The following EARS2 variants were observed in gnomAD, a reference collection of about 807,000 sequenced individuals.
EARS2 encodes glutamyl-tRNA synthetase 2, mitochondrial, also known as nondiscriminating glutamyl-tRNA synthetase EARS2, mitochondrial.
A neutral mutation model predicts 54.1 loss-of-function variants in EARS2; 50 were observed. That is an observed-to-expected ratio of 0.92 (90% CI 0.74 to 1.17). EARS2 has a LOEUF of 1.17. Ranked by LOEUF, EARS2 falls within the 50% of genes most tolerant of loss-of-function variation. The probability of loss-of-function intolerance (pLI) is 0.00; values close to 1 mark genes in which losing one functional copy is unlikely to be tolerated. For missense variants in EARS2, 673 were observed against 675.0 expected (o/e 1.00, Z 0.03); for synonymous variants, 298 against 281.0 (o/e 1.06, Z -0.61).
Position 23,534,878 on chromosome 16 carries a change from G to C in EARS2, c.958+10C>G, listed in dbSNP as rs1463047159. On this transcript the variant is annotated intron_variant, in intron 4 of 8. Transcript: ENST00000449606. Reference sequence around the variant, plus strand: ...TCTCTGCTGCCAGGACTATTCAGGTGGGCACGTACCTGCAAAACCTGAGCC... The same window carrying C: ...TCTCTGCTGCCAGGACTATTCAGGTCGGCACGTACCTGCAAAACCTGAGCC... 1.9e-6 allele frequency: 3 copies of C among 1,558,040 alleles called. No homozygotes were observed. The highest frequency in any genetic ancestry group is 2.6e-6 in the Non-Finnish European group (3 of 1,148,078).
At chr16:23,542,031 G>T (rs1965521177) in intron 3 of EARS2, among the ~76,000 whole-genome samples, 1 of 151,988 alleles carries the variant, frequency 6.6e-6, no homozygotes. Context: ...GCTAATTTTT[G>T]TATTTTTGTA....
Position 23,543,022 on chromosome 16 carries a change from C to T in EARS2, c.485+1492G>A, listed in dbSNP as rs918599044. Among the ~76,000 whole-genome samples, 6 of 145,914 alleles carry T rather than the reference C, an allele frequency of 4.1e-5. No individual in the cohort carries two copies. In the South Asian group the frequency reaches 1.1e-3, roughly 26 times the overall value. Reference sequence around the variant, plus strand: ...CCCAGCTACACAGGAGGCTGAGGCACGAGAATCCCTTGAACCCGGGAGGTG... The same window carrying T: ...CCCAGCTACACAGGAGGCTGAGGCATGAGAATCCCTTGAACCCGGGAGGTG... On this transcript the variant is annotated intron_variant, in intron 3 of 8. Transcript: ENST00000449606.
chr16:23,529,655 A>G, intron 6 of EARS2, 23 bp from the exon 7 acceptor site: 2 of 1,613,884 alleles, frequency 1.2e-6, no homozygotes, highest in Non-Finnish European at 1.7e-6. Flanking sequence ...GCAGTCATTG[A>G]ATGCACTAGG....
chr16:23,538,087 C>A (rs1306525008), intron 3 of EARS2, among the ~76,000 whole-genome samples: 1 of 66,288 alleles, frequency 1.5e-5, no homozygotes, highest in African/African-American at 4.1e-5. Context: ...CTAGCTGGAA[C>A]AGATATTCTA....
At chr16:23,555,933 C>T (rs1317819368) in intron 1 of EARS2, among the ~76,000 whole-genome samples, 1 of 152,208 alleles carries the variant, frequency 6.6e-6, no homozygotes, top group Non-Finnish European at 1.5e-5. Flanking sequence ...TTTACCTCTG[C>T]TAACCCAAAT....
At chr16:23,528,282 G>T (rs963972440) in intron 7 of EARS2, among the ~76,000 whole-genome samples, 1 of 152,182 alleles carries the variant, frequency 6.6e-6, no homozygotes, top group Non-Finnish European at 1.5e-5. Context: ...CAAAAATCAG[G>T]AGATGAAATA....
At chr16:23,551,089 A>G (rs898844939) in intron 2 of EARS2, among the ~76,000 whole-genome samples, 1 of 152,248 alleles carries the variant, frequency 6.6e-6, no homozygotes, top group Non-Finnish European at 1.5e-5. Flanking sequence ...ATGGTTAAGT[A>G]TTCATCCAGA....
chr16:23,537,952 C>G (rs1355268706), intron 3 of EARS2, among the ~76,000 whole-genome samples: 1 of 151,904 alleles, frequency 6.6e-6, no homozygotes, highest in East Asian at 1.9e-4. Context: ...CACCACCATG[C>G]CTGGCTAATT....
intron 3 of EARS2, among the ~76,000 whole-genome samples, chr16:23,539,813 TG>T (rs1303799854): frequency 1.3e-5 from 2 of 151,900 alleles, no homozygotes; most frequent in Non-Finnish European, 2.9e-5. Flanking sequence ...CATACCAGCC[TG>T]GGCAAAATAG....
chr16:23,543,415 G>GA (rs1328686617), intron 3 of EARS2, among the ~76,000 whole-genome samples: 4 of 141,328 alleles, frequency 2.8e-5, no homozygotes, highest in African/African-American at 1.1e-4. Flanking sequence ...CTGACTCTAT[G>GA]AAAAAAAACA....
intron 3 of EARS2, among the ~76,000 whole-genome samples, chr16:23,536,540 TAGTCCC>T (rs972314509): frequency 4.6e-5 from 7 of 152,028 alleles, no homozygotes; most frequent in African/African-American, 1.7e-4. Flanking sequence ...TGCATTCCTG[TAGTCCC>T]AGCTCTGTGG....
Position 23,521,153 on chromosome 16 carries a change from A to G in EARS2, c.*3218T>C, listed in dbSNP as rs574306058. Among the ~76,000 whole-genome samples the G allele has an allele frequency of 5.3e-5, 8 of 152,182 alleles. No homozygotes were observed. The highest frequency in any genetic ancestry group is 1.0e-4 in the Non-Finnish European group (7 of 68,034). On this transcript the variant is annotated 3_prime_UTR_variant, in exon 9 of 9. Transcript: ENST00000449606. ...AGAAAAATATAAAATTTACCATCTC[A>G]GTCATTTTTAAATATACAGTTCAGC...
chr16:23,535,345 G>C lies in EARS2; in HGVS notation c.501C>G (p.Cys167Trp), dbSNP rs1350374056. Residue 167 changes from cysteine (C) to tryptophan (W), a missense_variant, in exon 4 of 9, where the codon TGC becomes TGG. Cys to Trp is a radical substitution (Grantham distance 215, BLOSUM62 -2). This residue lies in a region of EARS2 where 316 missense variants were observed against 275.2 expected (regional missense o/e 1.15). Coordinates refer to ENST00000449606, the MANE Select transcript of EARS2 (RefSeq NM_001083614.2). Reference protein sequence around the residue: ...NHQTPRYDNRCRNMSQEQVAQ... With the variant: ...NHQTPRYDNRWRNMSQEQVAQ... ...CCACCTGCTCCTGGCTCATGTTCCTGCACCGATTGTCATACCTGATGGGGA... is the reference window on the plus strand; with the variant it reads ...CCACCTGCTCCTGGCTCATGTTCCTCCACCGATTGTCATACCTGATGGGGA... 6.3e-7 allele frequency: 1 copy of C among 1,599,200 alleles called. No individual in the cohort carries two copies. Among genetic ancestry groups the C allele is most frequent in the Non-Finnish European group, 8.5e-7 (1 of 1,179,782 alleles).
chr16:23,525,935 T>C (rs1965219067), intron 7 of EARS2, among the ~76,000 whole-genome samples: 1 of 147,140 alleles, frequency 6.8e-6, no homozygotes, highest in Non-Finnish European at 1.5e-5. Flanking sequence ...GAGGAGGAGG[T>C]TGCAGTGAGC....
At chr16:23,547,207 C>A (rs868533716) in intron 2 of EARS2, among the ~76,000 whole-genome samples, 2 of 152,104 alleles carry the variant, frequency 1.3e-5, no homozygotes, top group Non-Finnish European at 2.9e-5. Flanking sequence ...AGCATGATAG[C>A]CCACAGATGC....
intron 4 of EARS2, among the ~76,000 whole-genome samples, 187 bp downstream of exon 4, chr16:23,534,701 T>C (rs1033760693): frequency 6.6e-6 from 1 of 152,180 alleles, no homozygotes; most frequent in Non-Finnish European, 1.5e-5. Context: ...CACCCACTAC[T>C]GTAGCCCCAG....
chr16:23,543,778 T>G (rs1235105441), intron 3 of EARS2, among the ~76,000 whole-genome samples: 6 of 151,242 alleles, frequency 4.0e-5, no homozygotes, highest in Non-Finnish European at 5.9e-5. Flanking sequence ...TGAAACCTTT[T>G]GAGTGCTGAC....
chr16:23,535,277 C>A lies in EARS2; in HGVS notation c.569G>T (p.Arg190Leu), dbSNP rs533072942. 6.8e-6 allele frequency: 11 copies of A among 1,607,550 alleles called. No individual in the cohort carries two copies. Among genetic ancestry groups the A allele is most frequent in the African/African-American group, 2.7e-5 (2 of 74,868 alleles). ...AKDPKPAIRF[R>L]LEQVVPAFQD... The stretch of plus-strand genomic sequence containing the variant: ...GAAGGCTGGCACCACCTGCTCCAGG[C>A]GGAAGCGGATCGCAGGCTTGGGGTC... Residue 190 changes from arginine to leucine, a missense_variant, in exon 4 of 9, where the codon CGC becomes CTC. Around this residue, in one of 3 missense-constraint regions of EARS2, gnomAD observed 316 missense variants for 275.2 expected, o/e 1.15. Transcript: ENST00000449606.
In EARS2 at chr16:23,522,081, G is replaced by C. The variant is rs1965149157; in HGVS notation, c.*2290C>G. The C allele has an allele frequency of 3.3e-6, 1 of 307,588 alleles. No homozygotes were observed. The highest frequency in any genetic ancestry group is 2.2e-5 in the African/African-American group (1 of 46,332). The allele number at this position is 307,588 out of a possible 1,614,324, so 19.1% of individuals were successfully genotyped here. ...CATTTACGAGCATTATCTGACACCTGGGAGAGGGTGAGGCTCATATAAGCG... is the reference window on the plus strand; with the variant it reads ...CATTTACGAGCATTATCTGACACCTCGGAGAGGGTGAGGCTCATATAAGCG... On this transcript the variant is annotated 3_prime_UTR_variant, in exon 9 of 9. Transcript: ENST00000449606.
Sources: allele counts gnomAD v4.1 joint callset (sites outside exome capture counted in the v4.1 genomes callset), GRCh38; gene constraint gnomAD v4.1.1; regional missense constraint gnomAD v4.1.1; transcripts MANE v1.5; gene names NCBI Gene and HGNC (gene_info 2026-07-23, HGNC 2026-07-21).